The following SLC28A1 variants were observed in gnomAD, a reference collection of about 807,000 sequenced individuals.
The protein encoded by SLC28A1 is sodium/nucleoside cotransporter 1.
A neutral mutation model predicts 74.8 loss-of-function variants in SLC28A1; 64 were observed. The observed-to-expected ratio is 0.86, with a 90% CI of 0.70 to 1.05. The LOEUF is 1.05. Ranked by LOEUF, SLC28A1 falls within the 50% of genes least tolerant of loss-of-function variation. The pLI is 0.00. For missense variants in SLC28A1, 828 were observed against 822.8 expected, an observed-to-expected ratio of 1.01 and a Z score of -0.08; for synonymous variants, 359 against 335.0, an observed-to-expected ratio of 1.07 and a Z score of -0.78.
chr15:84,946,194 G>A (rs1188618144), downstream of SLC28A1, among the ~76,000 whole-genome samples: 1 of 137,766 alleles, frequency 7.3e-6, no homozygotes, highest in Non-Finnish European at 1.5e-5. Flanking sequence ...GACTCAAGTA[G>A]TCTGCCCACC....
At position 84,904,217 on chromosome 15, in the gene SLC28A1, C is replaced by T. The variant is rs1425149951; in HGVS notation, c.582C>T (p.Ala194=). ...GICVFVALLF[A]CSKHHCAVSW... is the part of the protein sequence containing the mutation. ...GCGTGTTCGTCGCTCTCCTCTTTGC[C>T]TGCTCAAAGCATCATTGCGCAGTGA... Residue 194 remains alanine, a synonymous_variant, in exon 7 of 19, where the codon GCC becomes GCT. Transcript: ENST00000394573. The T allele has an allele frequency of 6.2e-7, 1 of 1,614,074 alleles. No homozygotes were observed. The highest frequency in any genetic ancestry group is 1.3e-5 in the African/African-American group (1 of 75,056).
chr15:84,900,916 T>TGAAGGAAGGA, intron 6 of SLC28A1, among the ~76,000 whole-genome samples: 1 of 119,284 alleles, frequency 8.4e-6, no homozygotes, highest in African/African-American at 3.7e-5. Context: ...GGAAGGAAGT[T>TGAAGGAAGGA]AGTTGATTAA....
At chr15:84,915,112 T>C (rs1968901223) in intron 9 of SLC28A1, among the ~76,000 whole-genome samples, 2 of 152,166 alleles carry the variant, frequency 1.3e-5, no homozygotes, top group Admixed American at 6.5e-5. Flanking sequence ...TGACTCTCTC[T>C]GCATCTCAGT....
intron 15 of SLC28A1, among the ~76,000 whole-genome samples, chr15:84,936,017 C>G (rs1359825488): frequency 7.7e-6 from 1 of 130,124 alleles, no homozygotes; most frequent in Non-Finnish European, 1.6e-5. Context: ...TGCAGTGGCT[C>G]GATCTCGGCT....
the SLC28A1 span, among the ~76,000 whole-genome samples, chr15:84,962,063 A>AT: frequency 2.6e-5 from 4 of 151,514 alleles, no homozygotes; most frequent in East Asian, 1.9e-4. Context: ...CTTGACCTAA[A>AT]TTTTTTTTTA....
intron 6 of SLC28A1, among the ~76,000 whole-genome samples, chr15:84,903,163 A>G (rs1274762434): frequency 6.6e-6 from 1 of 152,246 alleles, no homozygotes; most frequent in Non-Finnish European, 1.5e-5. Flanking sequence ...ATGAGCAGAA[A>G]GAAAAGCAGT....
chr15:84,889,368 A>T (rs942832790), intron 4 of SLC28A1, among the ~76,000 whole-genome samples: 3 of 152,002 alleles, frequency 2.0e-5, no homozygotes, highest in Non-Finnish European at 4.4e-5. Context: ...TGTTGGCCAG[A>T]TCCGGAGCTG....
intron 11 of SLC28A1, among the ~76,000 whole-genome samples, chr15:84,923,025 C>A (rs757570853): frequency 6.6e-6 from 1 of 152,214 alleles, no homozygotes; most frequent in Non-Finnish European, 1.5e-5. Context: ...GCAACCTCCG[C>A]CTCCCGGGTT....
At chr15:84,921,188 G>C in intron 11 of SLC28A1, 119 bp downstream of exon 11, 2 of 792,690 alleles carry the variant, frequency 2.5e-6, no homozygotes, top group South Asian at 1.4e-5. Flanking sequence ...CCTTCTCCCA[G>C]GGTCATCAAA....
intron 5 of SLC28A1, among the ~76,000 whole-genome samples, chr15:84,890,803 T>C (rs960636932): frequency 2.0e-5 from 3 of 151,966 alleles, no homozygotes; most frequent in Non-Finnish European, 4.4e-5. Context: ...GAATGGGGGA[T>C]GATCAGGGAG....
At chr15:84,930,530 A>G (rs1971141076) in intron 12 of SLC28A1, among the ~76,000 whole-genome samples, 1 of 151,790 alleles carries the variant, frequency 6.6e-6, no homozygotes, top group South Asian at 2.1e-4. Context: ...TCAGAGCCTG[A>G]GAGGGTCTCC....
intron 9 of SLC28A1, among the ~76,000 whole-genome samples, chr15:84,912,510 G>A (rs1968407318): frequency 6.6e-6 from 1 of 152,076 alleles, no homozygotes; most frequent in Non-Finnish European, 1.5e-5. Flanking sequence ...GTCACCCCTT[G>A]GCTGTATCAG....
downstream of SLC28A1, among the ~76,000 whole-genome samples, chr15:84,950,766 G>T (rs943840366): frequency 2.6e-5 from 4 of 152,114 alleles, no homozygotes; most frequent in African/African-American, 9.7e-5. Context: ...CCATGGTCTG[G>T]CCAGTGGGGT....
Position 84,904,210 on chromosome 15 carries a change from T to G in SLC28A1, c.575T>G (p.Leu192Arg). The change falls in exon 7 of 19, where the codon CTC becomes CGC. Residue 192 changes from leucine to arginine, a missense_variant. Coordinates refer to ENST00000394573, the MANE Select transcript of SLC28A1 (RefSeq NM_004213.5). Reference sequence around the variant, plus strand: ...GGAATCTGCGTGTTCGTCGCTCTCCTCTTTGCCTGCTCAAAGCATCATTGC... The same window carrying G: ...GGAATCTGCGTGTTCGTCGCTCTCCGCTTTGCCTGCTCAAAGCATCATTGC... ...FAGICVFVALLFACSKHHCAV... is the reference protein window; with the variant it reads ...FAGICVFVALRFACSKHHCAV... 2 of 1,614,130 alleles carry G rather than the reference T, an allele frequency of 1.2e-6. No individual in the cohort carries two copies. The highest frequency in any genetic ancestry group is 2.2e-5 in the South Asian group (2 of 91,088).
In SLC28A1 at chr15:84,887,728, C is replaced by T. The variant is rs372317526; in HGVS notation, c.-16-17C>T. 7 of 1,609,648 alleles carry T rather than the reference C, an allele frequency of 4.3e-6. No homozygotes were observed. In the Admixed American group the frequency reaches 1.2e-4, roughly 27 times the overall value. ...GCCTCCCTTTCAGCGTTGGGCGCTC[C>T]CTGATTTGTCTTTCAGCTGGAAGGT... is the stretch of plus-strand genomic sequence containing the variant. On this transcript the variant is annotated splice_polypyrimidine_tract_variant and intron_variant, in intron 2 of 18. Coordinates refer to ENST00000394573, the MANE Select transcript of SLC28A1 (RefSeq NM_004213.5).
chr15:84,922,696 C>T lies in SLC28A1; in HGVS notation c.958-1289C>T, dbSNP rs546790631. ...TGCCCCTCACCGTGGCTTCCTAGCC[C>T]CTCTGTGGCCCACCTGCCCCCTCTG... On this transcript the variant is annotated intron_variant, in intron 11 of 18. Coordinates refer to ENST00000394573, the MANE Select transcript of SLC28A1 (RefSeq NM_004213.5). 3.3e-5 allele frequency among the ~76,000 whole-genome samples: 5 copies of T among 152,358 alleles called. 1 individual carries two copies. The highest frequency in any genetic ancestry group is 9.6e-5 in the African/African-American group (4 of 41,592).
chr15:84,895,321 G>T, intron 6 of SLC28A1, 198 bp downstream of exon 6: 5 of 1,610,760 alleles, frequency 3.1e-6, no homozygotes, highest in Non-Finnish European at 4.2e-6. Context: ...CTTAGTCCCA[G>T]TTACAGCAGG....
At chr15:84,948,084 G>A (rs1233371950), downstream of SLC28A1, among the ~76,000 whole-genome samples, 1 of 152,052 alleles carries the variant, frequency 6.6e-6, no homozygotes, top group Non-Finnish European at 1.5e-5. Flanking sequence ...TGTCCCAATA[G>A]GCAACATGCC....
chr15:84,964,800 G>GC, the SLC28A1 span, among the ~76,000 whole-genome samples: 17,100 of 152,228 alleles, frequency 0.11, 1,198 homozygotes, highest in Admixed American at 0.22. Flanking sequence ...TTCCACAGAA[G>GC]CCCCAGCAGA....
Sources: gnomAD v4.1 joint callset for allele counts (sites outside exome capture counted in the v4.1 genomes callset) on GRCh38, gnomAD v4.1.1 for gene constraint, MANE v1.5 for transcripts, NCBI Gene and HGNC (gene_info 2026-07-23, HGNC 2026-07-21) for gene names.